The following COL10A1 variants were observed in gnomAD, a reference collection of about 807,000 sequenced individuals.
COL10A1 encodes the protein collagen type X alpha 1 chain, also known as collagen alpha-1(X) chain.
Under a neutral mutation model 18.2 loss-of-function variants are expected in COL10A1, and 10 were observed. The observed-to-expected ratio is 0.55, with a 90% CI of 0.34 to 0.93. The LOEUF (loss-of-function observed/expected upper bound fraction) is 0.93. Among genes scored for constraint, COL10A1 ranks in the 40% least tolerant of loss-of-function variants. The pLI, the probability that COL10A1 is intolerant of heterozygous loss-of-function variation, is 0.02. For missense variants in COL10A1, 897 were observed against 853.5 expected (o/e 1.05, Z -0.64); for synonymous variants, 330 against 316.6 (o/e 1.04, Z -0.45).
chr6:116,127,391 T>TA (rs1053174350), upstream of COL10A1, among the ~76,000 whole-genome samples: 8 of 152,140 alleles, frequency 5.3e-5, no homozygotes, highest in African/African-American at 1.9e-4. Context: ...ATTGCCATAT[T>TA]AAAAAAATTT....
In COL10A1 at chr6:116,154,927, G is replaced by A. The variant is rs575470050; in HGVS notation, c.-16+3687C>T. On this transcript the variant is annotated intron_variant, in intron 1 of 1. Coordinates refer to the COL10A1 transcript ENST00000418500. ...AGATAAAAATAAAAAACATCATTTA[G>A]GAGTTTAAAAAACAAACCATAAATA... 2.0e-5 allele frequency among the ~76,000 whole-genome samples: 3 copies of A among 152,054 alleles called. No individual in the cohort carries two copies. In the East Asian group the frequency reaches 5.8e-4, roughly 29 times the overall value.
the COL10A1 span, among the ~76,000 whole-genome samples, chr6:116,188,307 C>T: frequency 6.6e-6 from 1 of 152,010 alleles, no homozygotes; most frequent in African/African-American, 2.4e-5. Context: ...TGAAAGTGAG[C>T]ATTCCCTATG....
the COL10A1 span, among the ~76,000 whole-genome samples, chr6:116,199,493 A>G: frequency 6.6e-6 from 1 of 152,090 alleles, no homozygotes; most frequent in Non-Finnish European, 1.5e-5. Context: ...ATATGTATGT[A>G]CAAAAGCATC....
At chr6:116,204,605 G>A in the COL10A1 span, among the ~76,000 whole-genome samples, 2 of 151,976 alleles carry the variant, frequency 1.3e-5, no homozygotes, top group Admixed American at 6.6e-5. Context: ...TGAGCCAGCC[G>A]TTTAACATTT....
upstream of COL10A1, among the ~76,000 whole-genome samples, chr6:116,159,382 T>C (rs1408680160): frequency 2.0e-5 from 3 of 152,232 alleles, no homozygotes; most frequent in Admixed American, 6.5e-5. Context: ...TCCTAATTAT[T>C]TGAGAATTTA....
chr6:116,159,290 G>A (rs1229893524), upstream of COL10A1, among the ~76,000 whole-genome samples: 1 of 152,072 alleles, frequency 6.6e-6, no homozygotes, highest in Non-Finnish European at 1.5e-5. Flanking sequence ...TCAAAAACCA[G>A]AGAAACATAA....
At chr6:116,142,255 A>G (rs1779786186) in intron 1 of COL10A1, among the ~76,000 whole-genome samples, 1 of 152,026 alleles carries the variant, frequency 6.6e-6, no homozygotes, top group Non-Finnish European at 1.5e-5. Context: ...ACAAAACACC[A>G]TAAACTATTT....
chr6:116,182,212 T>G, the COL10A1 span, among the ~76,000 whole-genome samples: 1 of 147,576 alleles, frequency 6.8e-6, no homozygotes, highest in East Asian at 1.9e-4. Context: ...CTGAGTAGTA[T>G]TCCATGGAGA....
chr6:116,206,738 G>A, the COL10A1 span, among the ~76,000 whole-genome samples: 1 of 151,896 alleles, frequency 6.6e-6, no homozygotes, highest in Non-Finnish European at 1.5e-5. Context: ...GTTTTAAATG[G>A]ATTTTATATC....
At chr6:116,208,215 T>C in the COL10A1 span, among the ~76,000 whole-genome samples, 1 of 152,040 alleles carries the variant, frequency 6.6e-6, no homozygotes, top group Admixed American at 6.6e-5. Context: ...GAATAAGCAT[T>C]GCCACATTTC....
the COL10A1 span, among the ~76,000 whole-genome samples, chr6:116,205,693 T>C: frequency 6.6e-6 from 1 of 152,020 alleles, no homozygotes; most frequent in Non-Finnish European, 1.5e-5. Context: ...GATTTTGTAT[T>C]AAAAGGGTAC....
At chr6:116,207,744 C>T in the COL10A1 span, among the ~76,000 whole-genome samples, 1 of 151,886 alleles carries the variant, frequency 6.6e-6, no homozygotes, top group Non-Finnish European at 1.5e-5. Flanking sequence ...CAACTGTGAA[C>T]CCCTCGTGCC....
chr6:116,201,640 G>A, the COL10A1 span, among the ~76,000 whole-genome samples: 5 of 151,926 alleles, frequency 3.3e-5, no homozygotes, highest in Non-Finnish European at 5.9e-5. Flanking sequence ...TATTATTTAG[G>A]CTTGTTTGAC....
the COL10A1 span, among the ~76,000 whole-genome samples, chr6:116,193,151 G>A: frequency 1.3e-5 from 2 of 151,972 alleles, no homozygotes; most frequent in Non-Finnish European, 2.9e-5. Context: ...TTTGTTATTA[G>A]CAACTCTTTG....
the COL10A1 span, among the ~76,000 whole-genome samples, chr6:116,181,431 A>G: frequency 2.0e-5 from 3 of 152,120 alleles, no homozygotes; most frequent in African/African-American, 7.2e-5. Context: ...GTGGATGCAG[A>G]AAAACCCAAT....
chr6:116,159,200 C>G (rs1780274328), upstream of COL10A1, among the ~76,000 whole-genome samples: 1 of 151,790 alleles, frequency 6.6e-6, no homozygotes, highest in Non-Finnish European at 1.5e-5. Context: ...AATTATGTGA[C>G]TTTTTTTGGT....
chr6:116,128,086 A>G (rs1439215291), upstream of COL10A1, among the ~76,000 whole-genome samples: 1 of 152,154 alleles, frequency 6.6e-6, no homozygotes, highest in Non-Finnish European at 1.5e-5. Context: ...AGAGACACAA[A>G]AAAATCCATA....
the COL10A1 span, among the ~76,000 whole-genome samples, chr6:116,198,327 G>A: frequency 2.6e-5 from 4 of 152,044 alleles, no homozygotes; most frequent in Non-Finnish European, 5.9e-5. Context: ...GGCTTATATG[G>A]AGATAGGCCT....
the COL10A1 span, among the ~76,000 whole-genome samples, chr6:116,177,705 A>T: frequency 6.6e-6 from 1 of 152,196 alleles, no homozygotes; most frequent in Admixed American, 6.5e-5. Flanking sequence ...CAGCTCTCTT[A>T]AAGTTTATTA....
Sources: gnomAD v4.1 joint callset for allele counts (sites outside exome capture counted in the v4.1 genomes callset) on GRCh38, gnomAD v4.1.1 for gene constraint, MANE v1.5 for transcripts, NCBI Gene and HGNC (gene_info 2026-07-23, HGNC 2026-07-21) for gene names.